The following SDK2 variants were observed in gnomAD, a reference collection of about 807,000 sequenced individuals.
SDK2 encodes the protein sidekick cell adhesion molecule 2, also known as protein sidekick-2.
Under a neutral mutation model 253.9 loss-of-function variants are expected in SDK2, and 105 were observed. The ratio of observed to expected loss-of-function variants is 0.41; its 90% CI spans 0.35 to 0.49. The LOEUF is 0.49. Among genes scored for constraint, SDK2 ranks in the 20% least tolerant of loss-of-function variants. The probability of loss-of-function intolerance (pLI) is 0.06; values close to 1 mark genes in which losing one functional copy is unlikely to be tolerated. For missense variants in SDK2, 2,608 were observed against 3,003.0 expected, an observed-to-expected ratio of 0.87 and a Z score of 3.07; for synonymous variants, 1,249 against 1,234.9, an observed-to-expected ratio of 1.01 and a Z score of -0.24.
At chr17:73,453,023 T>C (rs1306630462) in intron 4 of SDK2, among the ~76,000 whole-genome samples, 1 of 152,248 alleles carries the variant, frequency 6.6e-6, no homozygotes, top group Admixed American at 6.5e-5. Flanking sequence ...CCTGTTAACC[T>C]GGGGTGCCAC....
At chr17:73,574,873 C>A (rs577887311) in intron 1 of SDK2, among the ~76,000 whole-genome samples, 1 of 152,280 alleles carries the variant, frequency 6.6e-6, no homozygotes, top group Non-Finnish European at 1.5e-5. Flanking sequence ...CAGTGGAACA[C>A]CCTAGAGGGT....
At chr17:73,484,421 C>T (rs566359235) in intron 2 of SDK2, among the ~76,000 whole-genome samples, 5 of 152,308 alleles carry the variant, frequency 3.3e-5, no homozygotes, top group South Asian at 2.1e-4. Flanking sequence ...CTGGGAGAAG[C>T]GGCCTCCTAA....
rs1302195172 is a variant in SDK2 at position 73,361,293 on chromosome 17, GGAA to G, written c.5467+388_5467+390del. On this transcript the variant is annotated intron_variant, in intron 39 of 44. Transcript: ENST00000392650. This position sits in a 1 kb window ranked among gnomAD's most constrained non-coding sequence, Gnocchi z 4.1. ...AGGGTAGGGGTGGTTCAGGGGCGTGGGAAGATGGCTCTGGCTGGGCGAAAGGCA... is the reference window on the plus strand; with the variant it reads ...AGGGTAGGGGTGGTTCAGGGGCGTGGGATGGCTCTGGCTGGGCGAAAGGCA... 6.6e-6 allele frequency among the ~76,000 whole-genome samples: 1 copy of G among 152,186 alleles called. No individual in the cohort carries two copies. Among genetic ancestry groups the G allele is most frequent in the Non-Finnish European group, 1.5e-5 (1 of 68,042 alleles).
Position 73,412,045 on chromosome 17 carries a change from T to C in SDK2, c.2484+2599A>G, listed in dbSNP as rs1413994658. On this transcript the variant is annotated intron_variant, in intron 18 of 44. Coordinates refer to ENST00000392650, the MANE Select transcript of SDK2 (RefSeq NM_001144952.2). ...GTATATGTATATATACGTATATATA[T>C]GTATATACGTATATGTATATATACG... 1.2e-3 allele frequency among the ~76,000 whole-genome samples: 6 copies of C among 4,874 alleles called. 2 individuals are homozygous for C. Among genetic ancestry groups the C allele is most frequent in the Admixed American group, 2.3e-3 (1 of 434 alleles). The allele number at this position is 4,874 out of a possible 152,430, so 3.2% of individuals were successfully genotyped here. A position where few individuals can be genotyped will look rare whatever the true frequency, so the allele number is the denominator to read the frequency against.
chr17:73,471,431 C>G lies in SDK2; in HGVS notation c.331+681G>C, dbSNP rs544043865. Among the ~76,000 whole-genome samples the G allele has an allele frequency of 2.0e-5, 3 of 152,234 alleles. No individual in the cohort carries two copies. The South Asian group carries it at 6.2e-4, about 32-fold the overall frequency. On this transcript the variant is annotated intron_variant, in intron 3 of 44. Coordinates refer to ENST00000392650, the MANE Select transcript of SDK2 (RefSeq NM_001144952.2). ...TGGCCAACATGGTGAAACCCTATCT[C>G]TACTAAAAATACAAAAAATTAGCTG...
At position 73,456,069 on chromosome 17, in the gene SDK2, C is replaced by G; in HGVS notation, c.332-16G>C. The G allele has an allele frequency of 6.8e-7, 1 of 1,466,764 alleles. No homozygotes were observed. Among genetic ancestry groups the G allele is most frequent in the Non-Finnish European group, 9.1e-7 (1 of 1,100,568 alleles). The allele number at this position is 1,466,764 out of a possible 1,614,324, so 90.9% of individuals were successfully genotyped here. A position where few individuals can be genotyped will look rare whatever the true frequency, so the allele number is the denominator to read the frequency against. ...CTCCCCATGTCTGCAGCCGGGACAA[C>G]GGCAGTAGGATCAGGGGCGGGAGGT... is the stretch of plus-strand genomic sequence containing the variant. On this transcript the variant is annotated splice_polypyrimidine_tract_variant and intron_variant, in intron 3 of 44. Transcript: ENST00000392650.
At position 73,511,335 on chromosome 17, in the gene SDK2, TGTGAGCACACACACACGC is replaced by T. The variant is rs2063978674; in HGVS notation, c.65-3756_65-3739del. Among the ~76,000 whole-genome samples the T allele has an allele frequency of 6.6e-6, 1 of 152,216 alleles. No homozygotes were observed. The highest frequency in any genetic ancestry group is 2.1e-4 in the South Asian group (1 of 4,834). On this transcript the variant is annotated intron_variant, in intron 1 of 44. Coordinates refer to ENST00000392650, the MANE Select transcript of SDK2 (RefSeq NM_001144952.2). The surrounding 1 kb of genome is among the most constrained non-coding windows in gnomAD (Gnocchi z 4.9). ...ATCTGCATGCACACATGTGCATATGTGTGAGCACACACACACGCGCGAGCACGCACACGCTCTGCGCCC... is the reference window on the plus strand; with the variant it reads ...ATCTGCATGCACACATGTGCATATGTGCGAGCACGCACACGCTCTGCGCCC...
intron 42 of SDK2, 134 bp downstream of exon 42, chr17:73,350,516 C>T: frequency 2.8e-6 from 4 of 1,406,718 alleles, no homozygotes; most frequent in Admixed American, 2.5e-5. Flanking sequence ...GTGTAGAAAC[C>T]CTAGGCTGCC....
At chr17:73,479,597 A>G (rs1424714171) in intron 2 of SDK2, among the ~76,000 whole-genome samples, 1 of 152,278 alleles carries the variant, frequency 6.6e-6, no homozygotes, top group East Asian at 1.9e-4. Flanking sequence ...TGCAATTAAC[A>G]TAATAACTAT....
intron 18 of SDK2, among the ~76,000 whole-genome samples, chr17:73,412,167 T>TAC (rs2063144197): frequency 6.8e-6 from 1 of 146,746 alleles, no homozygotes; most frequent in Admixed American, 6.9e-5. Context: ...TATATGTATA[T>TAC]ACACATATAT....
At chr17:73,466,402 A>G (rs917209772) in intron 3 of SDK2, among the ~76,000 whole-genome samples, 5 of 152,176 alleles carry the variant, frequency 3.3e-5, no homozygotes, top group African/African-American at 1.2e-4. Context: ...TATACAAACA[A>G]TGAAAACCAA....
intron 36 of SDK2, among the ~76,000 whole-genome samples, chr17:73,375,230 CTTTTTTTTTTTTTTTTTTTTT>C (rs33992958): frequency 1.7e-5 from 1 of 58,578 alleles, no homozygotes. Flanking sequence ...TCCTAACAAC[CTTTTTTTTTTTTTTTTTTTTT>C]TTTTTTTTTT....
intron 1 of SDK2, among the ~76,000 whole-genome samples, chr17:73,530,216 T>C (rs1343607569): frequency 1.3e-5 from 2 of 152,210 alleles, no homozygotes; most frequent in African/African-American, 2.4e-5. Flanking sequence ...GACTGGGTAA[T>C]TTATAAAGTG....
intron 9 of SDK2, among the ~76,000 whole-genome samples, chr17:73,434,654 T>C (rs2063353280): frequency 6.6e-6 from 1 of 152,202 alleles, no homozygotes; most frequent in Non-Finnish European, 1.5e-5. Context: ...TTCTTTTGTT[T>C]TTTTGAGACA....
chr17:73,407,729 G>A (rs1462191900), intron 18 of SDK2, among the ~76,000 whole-genome samples: 1 of 152,096 alleles, frequency 6.6e-6, no homozygotes, highest in Non-Finnish European at 1.5e-5. Context: ...GATACACCAT[G>A]CCCGGCCAGA....
chr17:73,643,994 T>G lies in SDK2; in HGVS notation c.64+31A>C. ...TCCCCCGCCCACTCTCCCAGCCCCC[T>G]CCCTGTCCCCACGTGGGGGTCCCTC... On this transcript the variant is annotated intron_variant, in intron 1 of 44. Coordinates refer to ENST00000392650, the MANE Select transcript of SDK2 (RefSeq NM_001144952.2). This position sits in a 1 kb window ranked among gnomAD's most constrained non-coding sequence, Gnocchi z 6.9. The G allele has an allele frequency of 2.8e-6, 1 of 355,448 alleles. No individual in the cohort carries two copies. The highest frequency in any genetic ancestry group is 4.4e-6 in the Non-Finnish European group (1 of 226,228). 22.0% of individuals were successfully genotyped at this position (355,448 alleles called of 1,614,324 possible). A position where few individuals can be genotyped will look rare whatever the true frequency, so the allele number is the denominator to read the frequency against.
intron 29 of SDK2, among the ~76,000 whole-genome samples, chr17:73,388,379 G>A (rs1157105552): frequency 1.3e-5 from 2 of 152,200 alleles, no homozygotes; most frequent in Non-Finnish European, 2.9e-5. Context: ...GCCCTGCGCT[G>A]TCCCTGATTG....
intron 18 of SDK2, among the ~76,000 whole-genome samples, chr17:73,405,492 ATAT>A (rs2063067171): frequency 1.0e-5 from 1 of 99,676 alleles, no homozygotes; most frequent in South Asian, 3.9e-4. Context: ...ATATATATAT[ATAT>A]ATATATATAT....
In SDK2 at chr17:73,536,718, G is replaced by T. The variant is rs1488155547; in HGVS notation, c.65-29121C>A. Among the ~76,000 whole-genome samples the T allele has an allele frequency of 2.6e-5, 4 of 152,204 alleles. No homozygotes were observed. In the East Asian group the frequency reaches 7.7e-4, roughly 29 times the overall value. ...TGCAAGCAATGCACAACTAGTTTCTGCCTCACATCCCCTGGCCATGCTGGG... is the reference window on the plus strand; with the variant it reads ...TGCAAGCAATGCACAACTAGTTTCTTCCTCACATCCCCTGGCCATGCTGGG... On this transcript the variant is annotated intron_variant, in intron 1 of 44. Transcript: ENST00000392650.
Sources: gnomAD v4.1 joint callset for allele counts (sites outside exome capture counted in the v4.1 genomes callset) on GRCh38, gnomAD v4.1.1 for gene constraint, Gnocchi (gnomAD v3.1) non-coding constraint, MANE v1.5 for transcripts, NCBI Gene and HGNC (gene_info 2026-07-23, HGNC 2026-07-21) for gene names.